Variants in NFRKB observed in about 807,000 individuals in gnomAD.
NFRKB encodes nuclear factor related to kappa-B-binding protein.
In NFRKB, 62 loss-of-function variants were observed where a neutral mutation model predicts 135.7. The observed-to-expected ratio is 0.46, with a 90% CI of 0.37 to 0.56. The LOEUF is 0.56. Among genes scored for constraint, NFRKB ranks in the 20% least tolerant of loss-of-function variants. NFRKB has a pLI of 0.00. For missense variants in NFRKB, 1,545 were observed against 1,662.0 expected, an observed-to-expected ratio of 0.93 and a Z score of 1.22; for synonymous variants, 678 against 635.6, an observed-to-expected ratio of 1.07 and a Z score of -1.00.
chr11:129,883,146 C>A lies in NFRKB; in HGVS notation c.877G>T (p.Ala293Ser), dbSNP rs747163300. 9.9e-6 allele frequency: 16 copies of A among 1,614,100 alleles called. No homozygotes were observed. In the South Asian group the frequency reaches 1.8e-4, roughly 18 times the overall value. ...CCTGCCAGAGAGCCCTTCCTGCCAG[C>A]ATTTACTCGAGTCATGATGTCATTG... ...TLNDIMTRVN[A>S]GRKGSLAALY... Residue 293 changes from alanine to serine, a missense_variant, in exon 9 of 27, where the codon GCT becomes TCT. This residue lies in a region of NFRKB where 678 missense variants were observed against 646.7 expected (regional missense o/e 1.05). Coordinates refer to ENST00000682444, the MANE Select transcript of NFRKB (RefSeq NM_001143835.2).
chr11:129,874,744 C>G lies in NFRKB; in HGVS notation c.1978+49G>C, dbSNP rs375684721. The stretch of plus-strand genomic sequence containing the variant: ...GAATAATGGAATTGGGGTAGAAAGT[C>G]AGAACGTATCCCCAGTCTGGTCGGA... On this transcript the variant is annotated intron_variant, in intron 19 of 26. Coordinates refer to ENST00000682444, the MANE Select transcript of NFRKB (RefSeq NM_001143835.2). This position sits in a 1 kb window ranked among gnomAD's most constrained non-coding sequence, Gnocchi z 4.5. 4.6e-5 allele frequency: 74 copies of G among 1,613,618 alleles called. No homozygotes were observed. In the African/African-American group the frequency reaches 7.5e-4, roughly 16 times the overall value.
Position 129,869,840 on chromosome 11 carries a change from G to C in NFRKB, c.3185C>G (p.Pro1062Arg), listed in dbSNP as rs746624172. ...GTCAGCCACACTCACGCCAAGAGCT[G>C]GCATCAAGCGAAAAGCCGAACTTGA... is the stretch of plus-strand genomic sequence containing the variant. The part of the protein sequence containing the change: ...EASSSAFRLM[P>R]ALGVSVADQK... The change falls in exon 24 of 27, where the codon CCA becomes CGA. Residue 1062 changes from proline to arginine, a missense_variant. Physicochemically the swap from Pro to Arg is moderately radical, Grantham distance 103. Coordinates refer to ENST00000682444, the MANE Select transcript of NFRKB (RefSeq NM_001143835.2). 6.2e-7 allele frequency: 1 copy of C among 1,614,122 alleles called. No individual in the cohort carries two copies. Among genetic ancestry groups the C allele is most frequent in the Non-Finnish European group, 8.5e-7 (1 of 1,180,056 alleles).
intron 23 of NFRKB, among the ~76,000 whole-genome samples, chr11:129,871,870 C>CA (rs1387533119): frequency 1.3e-5 from 2 of 152,186 alleles, no homozygotes; most frequent in African/African-American, 2.4e-5. Flanking sequence ...AAATTAACGT[C>CA]AAAGTCCCAT....
In NFRKB at chr11:129,864,766, T is replaced by C; in HGVS notation, c.3859A>G (p.Thr1287Ala). ...SSKAVSTVVV[T>A]TAPSPKQAPE... The stretch of plus-strand genomic sequence containing the variant: ...GCCTGTTTAGGAGACGGAGCTGTAG[T>C]CACAACAACAGTGGAGACTGCTTTG... Residue 1287 changes from threonine to alanine, a missense_variant, in exon 27 of 27, where the codon ACT (threonine) becomes GCT (alanine). Transcript: ENST00000682444. 1 of 1,614,192 alleles carries C rather than the reference T, an allele frequency of 6.2e-7. No individual in the cohort carries two copies. Among genetic ancestry groups the C allele is most frequent in the South Asian group, 1.1e-5 (1 of 91,082 alleles).
At chr11:129,885,079 G>C (rs1469400) in intron 6 of NFRKB, among the ~76,000 whole-genome samples, 117,868 of 152,066 alleles carry the variant, frequency 0.78, 46,542 homozygotes, top group African/African-American at 0.94. Flanking sequence ...AGCAGGCCAA[G>C]AGCCACTACT....
intron 4 of NFRKB, chr11:129,888,231 C>A: frequency 1.8e-6 from 1 of 566,930 alleles, no homozygotes; most frequent in South Asian, 2.2e-5. Flanking sequence ...TAAACACACA[C>A]ACACACGAAC....
intron 25 of NFRKB, 131 bp downstream of exon 25, chr11:129,865,746 C>T (rs1162832738): frequency 1.4e-6 from 1 of 722,064 alleles, no homozygotes; most frequent in Non-Finnish European, 2.4e-6. Flanking sequence ...TTGATGAGCA[C>T]AATAAAGCAG....
At position 129,870,267 on chromosome 11, in the gene NFRKB, T is replaced by A. The variant is rs749794181; in HGVS notation, c.2764-6A>T. The A allele has an allele frequency of 1.9e-6, 3 of 1,610,550 alleles. No individual in the cohort carries two copies. The African/African-American group carries it at 4.0e-5, about 22-fold the overall frequency. On this transcript the variant is annotated splice_region_variant and splice_polypyrimidine_tract_variant and intron_variant, in intron 23 of 26. Coordinates refer to ENST00000682444, the MANE Select transcript of NFRKB (RefSeq NM_001143835.2). Reference sequence around the variant, plus strand: ...AGCTGCCCAGTGATTGCCACCTGAATGGGGAGAAGCAGCACTGATGAGGGA... The same window carrying A: ...AGCTGCCCAGTGATTGCCACCTGAAAGGGGAGAAGCAGCACTGATGAGGGA...
Position 129,869,866 on chromosome 11 carries a change from G to A in NFRKB, c.3159C>T (p.Ala1053=), listed in dbSNP as rs1197324210. The A allele has an allele frequency of 1.2e-6, 2 of 1,614,140 alleles. No individual in the cohort carries two copies. Among genetic ancestry groups the A allele is most frequent in the Admixed American group, 3.3e-5 (2 of 60,014 alleles). The part of the protein sequence containing the change: ...KVTPDLKPTE[A]SSSAFRLMPA... ...GCATCAAGCGAAAAGCCGAACTTGA[G>A]GCTTCTGTTGGCTTGAGGTCAGGAG... The change falls in exon 24 of 27, where the codon GCC becomes GCT. Residue 1053 remains alanine, a synonymous_variant. Transcript: ENST00000682444.
In NFRKB at chr11:129,872,973, G is replaced by A. The variant is rs867221156; in HGVS notation, c.2674C>T (p.Pro892Ser). The change falls in exon 23 of 27, where the codon CCA (proline) becomes TCA (serine). Residue 892 changes from proline (P) to serine (S), a missense_variant. Around this residue, in one of 3 missense-constraint regions of NFRKB, gnomAD observed 753 missense variants for 804.3 expected, o/e 0.94. Transcript: ENST00000682444. ...GAGGTCCCAGGAGAACTCGTGGCTG[G>A]CTTACTCACAGGGCTGGCTGTGGCA... ...LPATASPVSK[P>S]ATSSPGTSAP... 1 of 1,614,164 alleles carries A rather than the reference G, an allele frequency of 6.2e-7. No individual in the cohort carries two copies. The highest frequency in any genetic ancestry group is 8.5e-7 in the Non-Finnish European group (1 of 1,179,994).
intron 8 of NFRKB, 121 bp downstream of exon 8, chr11:129,883,949 G>A (rs1949148689): frequency 1.9e-6 from 2 of 1,060,650 alleles, no homozygotes; most frequent in Non-Finnish European, 2.9e-6. Context: ...AGCTGCTCCT[G>A]TGCCCACAGT....
At position 129,886,348 on chromosome 11, in the gene NFRKB, C is replaced by T. The variant is rs78010520; in HGVS notation, c.434G>A (p.Arg145Gln). The T allele has an allele frequency of 1.7e-5, 28 of 1,614,064 alleles. No homozygotes were observed. The highest frequency in any genetic ancestry group is 1.1e-4 in the East Asian group (5 of 44,884). ...YLNSQQQYFH[R>Q]LLKQILASRS... ...GGAAGCAAGAATTTGCTTCAGCAGC[C>T]GATGGAAATACTGCTGCTGGGAGTT... Residue 145 changes from arginine (R) to glutamine (Q), a missense_variant, in exon 5 of 27, where the codon CGG becomes CAG. Physicochemically the swap from Arg to Gln is conservative, Grantham distance 43 (BLOSUM62 1). This residue lies in a region of NFRKB where 678 missense variants were observed against 646.7 expected (regional missense o/e 1.05). Transcript: ENST00000682444.
Position 129,865,861 on chromosome 11 carries a change from A to G in NFRKB, c.3638+16T>C. 6.2e-7 allele frequency: 1 copy of G among 1,613,318 alleles called. No individual in the cohort carries two copies. The highest frequency in any genetic ancestry group is 8.5e-7 in the Non-Finnish European group (1 of 1,179,318). On this transcript the variant is annotated intron_variant, in intron 25 of 26. Transcript: ENST00000682444. The stretch of plus-strand genomic sequence containing the variant: ...CCACCCCCGAATTGGTTCCTTTACC[A>G]TGACATAGTACTTACTTGGCTCCAA...
At chr11:129,886,540 T>C (rs1014563728) in intron 4 of NFRKB, 96 bp from the exon 5 acceptor site, 192 of 1,157,948 alleles carry the variant, frequency 1.7e-4, no homozygotes, top group Non-Finnish European at 2.3e-4. Flanking sequence ...TGGTAAACTC[T>C]GTACCACAAA....
At position 129,864,718 on chromosome 11, in the gene NFRKB, C is replaced by T; in HGVS notation, c.*7G>A. On this transcript the variant is annotated 3_prime_UTR_variant, in exon 27 of 27. Coordinates refer to ENST00000682444, the MANE Select transcript of NFRKB (RefSeq NM_001143835.2). ...TGGTCTTTCACGGAAGCCATCCTCT[C>T]TCATAATCATTGTTGCTCAGGTGCC... The T allele has an allele frequency of 6.2e-7, 1 of 1,614,156 alleles. No homozygotes were observed. The highest frequency in any genetic ancestry group is 8.5e-7 in the Non-Finnish European group (1 of 1,180,042).
chr11:129,876,207 TG>T (rs1948759652), intron 17 of NFRKB, among the ~76,000 whole-genome samples: 1 of 152,234 alleles, frequency 6.6e-6, no homozygotes. Flanking sequence ...TTTCAAGAAA[TG>T]TCAGACCTCC....
rs752270049 is a variant in NFRKB, at chr11:129,883,117, T to C, written c.901+5A>G. ...GAAGGCTCCTAGAGGGGCCCAGTCATTTACCTGCCAGAGAGCCCTTCCTGC... is the reference window on the plus strand; with the variant it reads ...GAAGGCTCCTAGAGGGGCCCAGTCACTTACCTGCCAGAGAGCCCTTCCTGC... On this transcript the variant is annotated splice_donor_5th_base_variant and intron_variant, in intron 9 of 26. Transcript: ENST00000682444. 10 of 1,613,914 alleles carry C rather than the reference T, an allele frequency of 6.2e-6. No individual in the cohort carries two copies. Among genetic ancestry groups the C allele is most frequent in the Admixed American group, 3.3e-5 (2 of 60,002 alleles).
At chr11:129,880,012 C>A (rs1000636191) in intron 13 of NFRKB, among the ~76,000 whole-genome samples, 1 of 152,110 alleles carries the variant, frequency 6.6e-6, no homozygotes, top group Non-Finnish European at 1.5e-5. Flanking sequence ...CATGGGGAAA[C>A]CTTGTCTCTA....
In NFRKB at chr11:129,889,930, G is replaced by A. The variant is rs547684753; in HGVS notation, c.136-1135C>T. The stretch of plus-strand genomic sequence containing the variant: ...TCCCTACCCTAACTGAAGGCTACAT[G>A]CACGTTTTATTATTGTCTTACGTGT... On this transcript the variant is annotated intron_variant, in intron 3 of 26. Coordinates refer to ENST00000682444, the MANE Select transcript of NFRKB (RefSeq NM_001143835.2). Among the ~76,000 whole-genome samples the A allele has an allele frequency of 4.8e-5, 7 of 145,736 alleles. No individual in the cohort carries two copies. In the East Asian group the frequency reaches 1.4e-3, roughly 30 times the overall value.
Sources: gnomAD v4.1 joint callset for allele counts (sites outside exome capture counted in the v4.1 genomes callset) on GRCh38, gnomAD v4.1.1 for gene constraint, gnomAD v4.1.1 regional missense constraint, Gnocchi (gnomAD v3.1) non-coding constraint, MANE v1.5 for transcripts, NCBI Gene and HGNC (gene_info 2026-07-23, HGNC 2026-07-21) for gene names.